NOTCH3: variants seen among roughly 807,000 people sequenced by gnomAD.
NOTCH3 encodes neurogenic locus notch homolog protein 3.
A neutral mutation model predicts 213.3 loss-of-function variants in NOTCH3; 86 were observed. The ratio of observed to expected loss-of-function variants is 0.40; its 90% CI spans 0.34 to 0.48. The LOEUF (loss-of-function observed/expected upper bound fraction) is 0.48, where lower values mean the gene tolerates loss of function less well. Among genes scored for constraint, NOTCH3 ranks in the 20% least tolerant of loss-of-function variants. NOTCH3 has a pLI of 0.57. For missense variants in NOTCH3, 2,783 were observed against 3,272.6 expected (o/e 0.85, Z 3.65); for synonymous variants, 1,354 against 1,355.9 (o/e 1.00, Z 0.03).
intron 2 of NOTCH3, 43 bp downstream of exon 2, chr19:15,197,457 C>CCCCCCCCCCG: frequency 8.3e-7 from 1 of 1,204,326 alleles, no homozygotes; most frequent in Non-Finnish European, 1.2e-6. Flanking sequence ...CCCCCCCGCC[C>CCCCCCCCCCG]CCACACACAG....
chr19:15,176,965 G>T (rs549803691), intron 24 of NOTCH3, among the ~76,000 whole-genome samples: 1 of 151,110 alleles, frequency 6.6e-6, no homozygotes, highest in East Asian at 2.0e-4. Flanking sequence ...CCAGCTACTC[G>T]GAAGGCTGAG....
At position 15,184,456 on chromosome 19, in the gene NOTCH3, G is replaced by A; in HGVS notation, c.2411-6C>T. 2 of 1,613,688 alleles carry A rather than the reference G, an allele frequency of 1.2e-6. No individual in the cohort carries two copies. The highest frequency in any genetic ancestry group is 1.7e-6 in the Non-Finnish European group (2 of 1,179,802). The stretch of plus-strand genomic sequence containing the variant: ...ATCCTGCTGGCATCGTGGGCCTGGG[G>A]GTAGGGAGCAAGGTTACACCTAGGG... On this transcript the variant is annotated splice_polypyrimidine_tract_variant and splice_region_variant and intron_variant, in intron 15 of 32. Transcript: ENST00000263388.
rs753463888 is a variant in NOTCH3, at chr19:15,191,485, A to G, written c.975T>C (p.His325=). 1 of 1,613,138 alleles carries G rather than the reference A, an allele frequency of 6.2e-7. No individual in the cohort carries two copies. Among genetic ancestry groups the G allele is most frequent in the Non-Finnish European group, 8.5e-7 (1 of 1,180,036 alleles). ...CCACGCGGTCATGGCAGGTGGCCCC[A>G]TGGAAGCACACGGCTGTGGCACAGT... is the stretch of plus-strand genomic sequence containing the variant. ...IDDCATAVCF[H]GATCHDRVAS... Residue 325 remains histidine, a synonymous_variant, in exon 6 of 33, where the codon CAT becomes CAC. Coordinates refer to ENST00000263388, the MANE Select transcript of NOTCH3 (RefSeq NM_000435.3).
At chr19:15,168,894 T>G (rs1337414191) in intron 28 of NOTCH3, among the ~76,000 whole-genome samples, 1 of 151,984 alleles carries the variant, frequency 6.6e-6, no homozygotes, top group Non-Finnish European at 1.5e-5. Context: ...ATATATAAAA[T>G]TTCCATGTGC....
rs2046870041 is a variant in NOTCH3, at chr19:15,185,077, T to C, written c.2297-58A>G. ...AGCCTTGAGGGACTCCCTGATCCCATCTCCCCCCACCTCCCCCAACCCCAG... is the reference window on the plus strand; with the variant it reads ...AGCCTTGAGGGACTCCCTGATCCCACCTCCCCCCACCTCCCCCAACCCCAG... On this transcript the variant is annotated intron_variant, in intron 14 of 32. Coordinates refer to ENST00000263388, the MANE Select transcript of NOTCH3 (RefSeq NM_000435.3). This position sits in a 1 kb window ranked among gnomAD's most constrained non-coding sequence, Gnocchi z 4.2. 1.4e-5 allele frequency: 17 copies of C among 1,257,234 alleles called. No individual in the cohort carries two copies. In the South Asian group the frequency reaches 1.7e-4, roughly 13 times the overall value. 77.9% of individuals were successfully genotyped at this position (1,257,234 alleles called of 1,614,324 possible).
Position 15,161,606 on chromosome 19 carries a change from G to A in NOTCH3, c.6022C>T (p.Pro2008Ser), listed in dbSNP as rs1425436352. 2.5e-6 allele frequency: 4 copies of A among 1,612,542 alleles called. No homozygotes were observed. The highest frequency in any genetic ancestry group is 2.5e-6 in the Non-Finnish European group (3 of 1,179,472). Reference sequence around the variant, plus strand: ...AGTCTCTCCTGGGCTACGTCCCGCGGCAGCCTGTCCAGGTGGTCGGTGATC... The same window carrying A: ...AGTCTCTCCTGGGCTACGTCCCGCGACAGCCTGTCCAGGTGGTCGGTGATC... ...REITDHLDRL[P>S]RDVAQERLHQ... is the part of the protein sequence containing the mutation. The change falls in exon 33 of 33, where the codon CCG becomes TCG. Residue 2008 changes from proline to serine, a missense_variant. Around this residue, in one of 6 missense-constraint regions of NOTCH3, gnomAD observed 441 missense variants for 432.1 expected, o/e 1.02. Coordinates refer to ENST00000263388, the MANE Select transcript of NOTCH3 (RefSeq NM_000435.3).
chr19:15,188,993 C>T lies in NOTCH3; in HGVS notation c.1374G>A (p.Met458Ile), dbSNP rs1436515678. 1 of 1,610,024 alleles carries T rather than the reference C, an allele frequency of 6.2e-7. No individual in the cohort carries two copies. ...DRIGQFTCIC[M>I]AGFTGTYCEV... ...CAGGCCACGCCCACCACCCACCTGC[C>T]ATACAGATACAGGTGAACTGGCCTA... The change falls in exon 8 of 33, where the codon ATG (methionine) becomes ATA (isoleucine). Residue 458 changes from methionine to isoleucine, a missense_variant. Physicochemically the swap from Met to Ile is conservative, Grantham distance 10. This residue lies in a region of NOTCH3 where 708 missense variants were observed against 906.6 expected (regional missense o/e 0.78). Transcript: ENST00000263388.
chr19:15,197,028 C>T (rs1004185747), intron 2 of NOTCH3, among the ~76,000 whole-genome samples: 9 of 152,200 alleles, frequency 5.9e-5, no homozygotes, highest in African/African-American at 1.9e-4. Context: ...CAAAGTCACA[C>T]TGCAAGTAAG....
At position 15,187,104 on chromosome 19, in the gene NOTCH3, C is replaced by A. The variant is rs2145432711; in HGVS notation, c.1840+1G>T. 6.2e-7 allele frequency: 1 copy of A among 1,613,702 alleles called. No individual in the cohort carries two copies. The highest frequency in any genetic ancestry group is 8.5e-7 in the Non-Finnish European group (1 of 1,179,854). ...GTTTCTGCCCCAGCCCCCGGTCCCA[C>A]CTGTGGTCCCAGAAGGGCAGCGGCA... is the stretch of plus-strand genomic sequence containing the variant. On this transcript the variant is annotated splice_donor_variant, in intron 11 of 32. Coordinates refer to ENST00000263388, the MANE Select transcript of NOTCH3 (RefSeq NM_000435.3). LOFTEE classifies it high-confidence loss of function.
chr19:15,180,565 C>T, intron 19 of NOTCH3, 116 bp downstream of exon 19: 1 of 1,250,654 alleles, frequency 8.0e-7, no homozygotes, highest in Non-Finnish European at 1.1e-6. Context: ...CTCAGCCACA[C>T]ACCCCATCAT....
chr19:15,173,129 A>C, intron 25 of NOTCH3, among the ~76,000 whole-genome samples: 1 of 82,588 alleles, frequency 1.2e-5, no homozygotes, highest in African/African-American at 4.5e-5. Flanking sequence ...TTTTTTTTTT[A>C]AGAGATCGGA....
At chr19:15,182,325 G>A (rs1269873964) in intron 16 of NOTCH3, among the ~76,000 whole-genome samples, 1 of 152,010 alleles carries the variant, frequency 6.6e-6, no homozygotes, top group Non-Finnish European at 1.5e-5. Flanking sequence ...TGGGCAACAT[G>A]GCAAGACCCC....
intron 26 of NOTCH3, 48 bp downstream of exon 26, chr19:15,170,623 C>A (rs1183262561): frequency 6.4e-7 from 1 of 1,550,790 alleles, no homozygotes; most frequent in South Asian, 1.2e-5. Context: ...GGGCTTCGGC[C>A]GCCCCCAGCT....
At chr19:15,199,906 G>C (rs1051001700) in intron 1 of NOTCH3, among the ~76,000 whole-genome samples, 9 of 152,192 alleles carry the variant, frequency 5.9e-5, no homozygotes, top group Admixed American at 3.9e-4. Context: ...TAGCGGTGAG[G>C]GGGGTGCCCC....
chr19:15,160,292 T>C lies in NOTCH3; in HGVS notation c.*370A>G, dbSNP rs139792065. 1,166 of 247,804 alleles carry C rather than the reference T, an allele frequency of 4.7e-3. 8 individuals carry two copies. Among genetic ancestry groups the C allele is most frequent in the African/African-American group, 0.023 (1,051 of 45,554 alleles). 15.4% of individuals were successfully genotyped at this position (247,804 alleles called of 1,614,324 possible). A position where few individuals can be genotyped will look rare whatever the true frequency, so the allele number is the denominator to read the frequency against. On this transcript the variant is annotated 3_prime_UTR_variant, in exon 33 of 33. Coordinates refer to ENST00000263388, the MANE Select transcript of NOTCH3 (RefSeq NM_000435.3). Reference sequence around the variant, plus strand: ...AATAAGTTTGTTTAAATGAATTTGTTTCTATACAAAATGTAAAAAAAAAAA... The same window carrying C: ...AATAAGTTTGTTTAAATGAATTTGTCTCTATACAAAATGTAAAAAAAAAAA...
intron 29 of NOTCH3, among the ~76,000 whole-genome samples, chr19:15,166,452 G>A (rs2046686699): frequency 6.6e-6 from 1 of 152,146 alleles, no homozygotes; most frequent in South Asian, 2.1e-4. Context: ...TCATACTCCT[G>A]CACCCACTGG....
chr19:15,161,392 C>T lies in NOTCH3; in HGVS notation c.6236G>A (p.Gly2079Glu). ...GGCCAGCGTCAGCTTCTTGCCCCGC[C>T]CCCGGGGCCCCTGCGGCCCCAGCCC... ...KAGLGPQGPRGRGKKLTLACP... is the reference protein window; with the variant it reads ...KAGLGPQGPRERGKKLTLACP... Residue 2079 changes from glycine (G) to glutamate (E), a missense_variant, in exon 33 of 33, where the codon GGG (glycine) becomes GAG (glutamate). This residue lies in a region of NOTCH3 where 441 missense variants were observed against 432.1 expected (regional missense o/e 1.02). Coordinates refer to ENST00000263388, the MANE Select transcript of NOTCH3 (RefSeq NM_000435.3). 1 of 1,522,660 alleles carries T rather than the reference C, an allele frequency of 6.6e-7. No individual in the cohort carries two copies. Among genetic ancestry groups the T allele is most frequent in the Non-Finnish European group, 8.8e-7 (1 of 1,135,930 alleles). 94.3% of individuals were successfully genotyped at this position (1,522,660 alleles called of 1,614,324 possible).
intron 24 of NOTCH3, among the ~76,000 whole-genome samples, chr19:15,176,007 A>AGAGAGGGGCAG (rs1411251354): frequency 2.0e-5 from 3 of 151,726 alleles, no homozygotes; most frequent in Non-Finnish European, 4.4e-5. Flanking sequence ...GGACAGACAG[A>AGAGAGGGGCAG]GAGAGGGGCA....
Position 15,185,190 on chromosome 19 carries a change from A to G in NOTCH3, c.2296+67T>C. 1 of 1,565,750 alleles carries G rather than the reference A, an allele frequency of 6.4e-7. No homozygotes were observed. The highest frequency in any genetic ancestry group is 8.8e-7 in the Non-Finnish European group (1 of 1,137,954). On this transcript the variant is annotated intron_variant, in intron 14 of 32. Transcript: ENST00000263388. The surrounding 1 kb of genome is among the most constrained non-coding windows in gnomAD (Gnocchi z 4.2). ...AGCTAACATAGCGGGAGGAGAGAGT[A>G]GAGGAGAAGAGAGATGAGAAGGCCC...
Sources: allele counts gnomAD v4.1 joint callset (sites outside exome capture counted in the v4.1 genomes callset), GRCh38; gene constraint gnomAD v4.1.1; regional missense constraint gnomAD v4.1.1; non-coding constraint Gnocchi (gnomAD v3.1); transcripts MANE v1.5; gene names NCBI Gene and HGNC (gene_info 2026-07-23, HGNC 2026-07-21).